The following CORO6 variants were observed in gnomAD, a reference collection of about 807,000 sequenced individuals.
The protein encoded by CORO6 is coronin 6, also known as coronin-6.
In CORO6, 43 loss-of-function variants were observed where a neutral mutation model predicts 49.0. That is an observed-to-expected ratio of 0.88 (90% CI 0.69 to 1.13). The LOEUF (loss-of-function observed/expected upper bound fraction) is 1.13. Among genes scored for constraint, CORO6 ranks in the 50% most tolerant of loss-of-function variants. CORO6 has a pLI of 0.00. For synonymous variants in CORO6, 233 were observed against 256.5 expected, an observed-to-expected ratio of 0.91 and a Z score of 0.88; for missense variants, 650 against 647.0, an observed-to-expected ratio of 1.00 and a Z score of -0.05.
Position 29,615,832 on chromosome 17 carries a change from A to G in CORO6, c.1319T>C (p.Leu440Pro), listed in dbSNP as rs1377222508. The change falls in exon 11 of 11, where the codon CTG (leucine) becomes CCG (proline). Residue 440 changes from leucine (L) to proline (P), a missense_variant. Physicochemically the swap from Leu to Pro is moderately conservative, Grantham distance 98 (BLOSUM62 -3). Transcript: ENST00000388767. The part of the protein sequence containing the change: ...LSQQHTLETL[L>P]EEIKALRERV... ...CTCGCGGAGGGCCTTGATCTCTTCC[A>G]GCAGCGTCTCCAGGGTGTGCTGCTG... The G allele has an allele frequency of 1.3e-6, 2 of 1,588,574 alleles. No individual in the cohort carries two copies. The highest frequency in any genetic ancestry group is 1.7e-6 in the Non-Finnish European group (2 of 1,168,716).
Position 29,617,627 on chromosome 17 carries a change from GA to G in CORO6, c.634-9del. 1 of 1,586,258 alleles carries G rather than the reference GA, an allele frequency of 6.3e-7. No individual in the cohort carries two copies. Among genetic ancestry groups the G allele is most frequent in the Non-Finnish European group, 8.6e-7 (1 of 1,168,186 alleles). ...GTGGGCCGCAAACCTCTCCTGGGGGGAGGGGGAGACAGGGAGGGACATCACC... is the reference window on the plus strand; with the variant it reads ...GTGGGCCGCAAACCTCTCCTGGGGGGGGGGGAGACAGGGAGGGACATCACC... On this transcript the variant is annotated splice_polypyrimidine_tract_variant and intron_variant, in intron 5 of 10. Coordinates refer to ENST00000388767, the MANE Select transcript of CORO6 (RefSeq NM_032854.4).
rs1197430122 is a variant in CORO6 at position 29,615,479 on chromosome 17, C to G, written c.*253G>C. ...CCGTGCAGCACCATTGCTGAGCCCC[C>G]CAGGTTACCCCAGGCCTCCCTAGGC... On this transcript the variant is annotated 3_prime_UTR_variant, in exon 11 of 11. Transcript: ENST00000388767. The G allele has an allele frequency of 2.1e-6, 1 of 473,122 alleles. No homozygotes were observed. The highest frequency in any genetic ancestry group is 3.7e-6 in the Non-Finnish European group (1 of 268,396). The allele number at this position is 473,122 out of a possible 1,614,324, so 29.3% of individuals were successfully genotyped here.
chr17:29,615,519 T>TA lies in CORO6; in HGVS notation c.*212_*213insT. 1 of 551,672 alleles carries TA rather than the reference T, an allele frequency of 1.8e-6. No individual in the cohort carries two copies. The highest frequency in any genetic ancestry group is 3.1e-6 in the Non-Finnish European group (1 of 320,820). The allele number at this position is 551,672 out of a possible 1,614,324, so 34.2% of individuals were successfully genotyped here. On this transcript the variant is annotated 3_prime_UTR_variant, in exon 11 of 11. Coordinates refer to ENST00000388767, the MANE Select transcript of CORO6 (RefSeq NM_032854.4). ...CCTCCCTAGGCCAGCTCCAGCCGAG[T>TA]CCCAGACGAGGCTCGCAGTCCAGCC...
In CORO6 at chr17:29,615,423, T is replaced by A. The variant is rs1233623059; in HGVS notation, c.*309A>T. ...CTAATACTAAGCACTTTCCCTGCCC[T>A]GGGCGGAGGACAAAGGGGGACACCA... is the stretch of plus-strand genomic sequence containing the variant. On this transcript the variant is annotated 3_prime_UTR_variant, in exon 11 of 11. Transcript: ENST00000388767. The A allele has an allele frequency of 1.4e-5, 5 of 355,440 alleles. No homozygotes were observed. The highest frequency in any genetic ancestry group is 4.4e-5 in the Admixed American group (1 of 22,748). The allele number at this position is 355,440 out of a possible 1,614,324, so 22.0% of individuals were successfully genotyped here.
rs2034974665 is a variant in CORO6 at position 29,616,888 on chromosome 17, C to T, written c.859-41G>A. The stretch of plus-strand genomic sequence containing the variant: ...GTTCAGGGGCGCGCCCGGACAAGGC[C>T]CTCCACATCTCCATCCAGTGCCCTG... On this transcript the variant is annotated intron_variant, in intron 7 of 10. Coordinates refer to ENST00000388767, the MANE Select transcript of CORO6 (RefSeq NM_032854.4). This position sits in a 1 kb window ranked among gnomAD's most constrained non-coding sequence, Gnocchi z 5.6. 3 of 1,613,230 alleles carry T rather than the reference C, an allele frequency of 1.9e-6. No individual in the cohort carries two copies. The highest frequency in any genetic ancestry group is 2.7e-5 in the African/African-American group (2 of 74,898).
Position 29,621,808 on chromosome 17 carries a change from T to C in CORO6, c.-63-324A>G, listed in dbSNP as rs1345605277. The C allele has an allele frequency of 3.7e-6, 1 of 269,802 alleles. No individual in the cohort carries two copies. Among genetic ancestry groups the C allele is most frequent in the African/African-American group, 2.2e-5 (1 of 45,986 alleles). 16.7% of individuals were successfully genotyped at this position (269,802 alleles called of 1,614,324 possible). A position where few individuals can be genotyped will look rare whatever the true frequency, so the allele number is the denominator to read the frequency against. On this transcript the variant is annotated intron_variant, in intron 1 of 10. Coordinates refer to ENST00000388767, the MANE Select transcript of CORO6 (RefSeq NM_032854.4). The surrounding 1 kb of genome is among the most constrained non-coding windows in gnomAD (Gnocchi z 4.2). ...CCGCCCCCACCACCGCCAGCCTTGA[T>C]GAGCATCTCTTCACGGACGTGGTTG...
chr17:29,617,356 G>A, intron 6 of CORO6, 144 bp downstream of exon 6: 1 of 1,542,000 alleles, frequency 6.5e-7, no homozygotes, highest in Non-Finnish European at 8.7e-7. Context: ...CAGAGGGGTG[G>A]GTGTGAGAAT....
Position 29,617,562 on chromosome 17 carries a change from C to T in CORO6, c.691G>A (p.Gly231Ser), listed in dbSNP as rs930385085. 6.2e-7 allele frequency: 1 copy of T among 1,610,320 alleles called. No homozygotes were observed. The highest frequency in any genetic ancestry group is 1.1e-5 in the South Asian group (1 of 90,864). ...GTGAAGCCCGTGGTGAAGATATGGC[C>T]CTGGCGCGTGAAGACGGCCCGCATG... is the stretch of plus-strand genomic sequence containing the variant. The part of the protein sequence containing the change: ...RPMRAVFTRQ[G>S]HIFTTGFTRM... The change falls in exon 6 of 11, where the codon GGC becomes AGC. Residue 231 changes from glycine to serine, a missense_variant. Coordinates refer to ENST00000388767, the MANE Select transcript of CORO6 (RefSeq NM_032854.4).
At position 29,616,058 on chromosome 17, in the gene CORO6, C is replaced by G. The variant is rs775301092; in HGVS notation, c.1180G>C (p.Gly394Arg). ...TCGCGGTGCTTGGGGGGCACATAGC[C>G]GTCCCTCAGCGAAATGAGCACGGGT... ...AEPVLISLRDGYVPPKHRELR... is the reference protein window; with the variant it reads ...AEPVLISLRDRYVPPKHRELR... Residue 394 changes from glycine (G) to arginine (R), a missense_variant, in exon 10 of 11, where the codon GGC becomes CGC. Coordinates refer to ENST00000388767, the MANE Select transcript of CORO6 (RefSeq NM_032854.4). This position sits in a 1 kb window ranked among gnomAD's most constrained non-coding sequence, Gnocchi z 5.6. 1.6e-5 allele frequency: 26 copies of G among 1,612,606 alleles called. No homozygotes were observed. The highest frequency in any genetic ancestry group is 2.1e-5 in the Non-Finnish European group (25 of 1,179,884).
intron 1 of CORO6, among the ~76,000 whole-genome samples, chr17:29,622,446 C>A (rs1192039128): frequency 2.6e-5 from 4 of 152,246 alleles, no homozygotes; most frequent in Non-Finnish European, 5.9e-5. Flanking sequence ...CGGCCCCGAG[C>A]CTGAGGCCCG....
At position 29,622,778 on chromosome 17, in the gene CORO6, G is replaced by T; in HGVS notation, c.-154C>A. The T allele has an allele frequency of 7.6e-7, 1 of 1,320,976 alleles. No individual in the cohort carries two copies. The highest frequency in any genetic ancestry group is 1.0e-6 in the Non-Finnish European group (1 of 1,000,246). 81.8% of individuals were successfully genotyped at this position (1,320,976 alleles called of 1,614,324 possible). A position where few individuals can be genotyped will look rare whatever the true frequency, so the allele number is the denominator to read the frequency against. Reference sequence around the variant, plus strand: ...AGGGGGCCGAGGAAGGCTTCAGGGCGAAGGAGCCACCTCTCCGGGTGTCTG... The same window carrying T: ...AGGGGGCCGAGGAAGGCTTCAGGGCTAAGGAGCCACCTCTCCGGGTGTCTG... On this transcript the variant is annotated 5_prime_UTR_variant, in exon 1 of 11. Coordinates refer to ENST00000388767, the MANE Select transcript of CORO6 (RefSeq NM_032854.4).
chr17:29,616,044 G>T lies in CORO6; in HGVS notation c.1194C>A (p.Pro398=), dbSNP rs1348809685. The T allele has an allele frequency of 1.2e-6, 2 of 1,611,434 alleles. No homozygotes were observed. Among genetic ancestry groups the T allele is most frequent in the Non-Finnish European group, 1.7e-6 (2 of 1,179,250 alleles). ...LISLRDGYVP[P]KHRELRVTKR... ...TCGTGACCCGGAGCTCGCGGTGCTT[G>T]GGGGGCACATAGCCGTCCCTCAGCG... Residue 398 remains proline, a synonymous_variant, in exon 10 of 11, where the codon CCC becomes CCA. Transcript: ENST00000388767. The surrounding 1 kb of genome is among the most constrained non-coding windows in gnomAD (Gnocchi z 5.6).
intron 5 of CORO6, 132 bp from the exon 6 acceptor site, chr17:29,617,751 G>T: frequency 1.0e-6 from 1 of 994,342 alleles, no homozygotes; most frequent in Non-Finnish European, 1.4e-6. Context: ...GACAAATGGG[G>T]CCTAAGCACT....
In CORO6 at chr17:29,616,669, G is replaced by A; in HGVS notation, c.1004+33C>T. 2.5e-6 allele frequency: 4 copies of A among 1,598,144 alleles called. No individual in the cohort carries two copies. Among genetic ancestry groups the A allele is most frequent in the Non-Finnish European group, 3.4e-6 (4 of 1,167,606 alleles). The stretch of plus-strand genomic sequence containing the variant: ...CCGACATGAGTGGGGGACAGAGGCG[G>A]GTAGGTGTTCAGGAGGGGCCAAGGC... On this transcript the variant is annotated intron_variant, in intron 8 of 10. Coordinates refer to ENST00000388767, the MANE Select transcript of CORO6 (RefSeq NM_032854.4). This position sits in a 1 kb window ranked among gnomAD's most constrained non-coding sequence, Gnocchi z 5.6.
rs932221090 is a variant in CORO6 at position 29,618,627 on chromosome 17, A to G, written c.633+163T>C. The G allele has an allele frequency of 4.2e-6, 6 of 1,431,364 alleles. No homozygotes were observed. In the African/African-American group the frequency reaches 8.6e-5, roughly 21 times the overall value. The allele number at this position is 1,431,364 out of a possible 1,614,324, so 88.7% of individuals were successfully genotyped here. ...TGCAGGCTGGGGGCTTACTTAGGGC[A>G]GAGACCTGTGGTTGCAGAGACGGGG... On this transcript the variant is annotated intron_variant, in intron 5 of 10. Coordinates refer to ENST00000388767, the MANE Select transcript of CORO6 (RefSeq NM_032854.4).
chr17:29,618,502 G>A, intron 5 of CORO6: 1 of 1,317,368 alleles, frequency 7.6e-7, no homozygotes, highest in South Asian at 2.2e-5. Context: ...TGGGAGGATG[G>A]AGTTTCCAGC....
rs1446243910 is a variant in CORO6 at position 29,617,006 on chromosome 17, C to T, written c.790G>A (p.Asp264Asn). The change falls in exon 7 of 11, where the codon GAC becomes AAC. Residue 264 changes from aspartate to asparagine, a missense_variant. Transcript: ENST00000388767. ...GGCAATAGGACCCCGTTGCTTGTGTCCATCTCCTGCAGTGCCACTGGCTCC... is the reference window on the plus strand; with the variant it reads ...GGCAATAGGACCCCGTTGCTTGTGTTCATCTCCTGCAGTGCCACTGGCTCC... Reference protein sequence around the residue: ...FEEPVALQEMDTSNGVLLPFY... With the variant: ...FEEPVALQEMNTSNGVLLPFY... 8 of 1,613,648 alleles carry T rather than the reference C, an allele frequency of 5.0e-6. No homozygotes were observed. Among genetic ancestry groups the T allele is most frequent in the Non-Finnish European group, 6.8e-6 (8 of 1,180,036 alleles).
At chr17:29,618,029 C>CCGGCG (rs1470697811) in intron 5 of CORO6, 2 of 1,477,156 alleles carry the variant, frequency 1.4e-6, no homozygotes, top group Admixed American at 2.4e-5. Flanking sequence ...GCTAGCGCGC[C>CCGGCG]CGGCGCGGCC....
intron 5 of CORO6, chr17:29,618,586 G>A: frequency 1.4e-6 from 2 of 1,408,782 alleles, no homozygotes; most frequent in Non-Finnish European, 1.8e-6. Flanking sequence ...GAGGGAACAG[G>A]AGCCGGGCAG....
Sources: allele counts gnomAD v4.1 joint callset (sites outside exome capture counted in the v4.1 genomes callset), GRCh38; gene constraint gnomAD v4.1.1; non-coding constraint Gnocchi (gnomAD v3.1); transcripts MANE v1.5; gene names NCBI Gene and HGNC (gene_info 2026-07-23, HGNC 2026-07-21).